Variants in SCAND1 observed in about 807,000 individuals in gnomAD.
The protein encoded by SCAND1 is SCAN domain-containing protein 1.
Under a neutral mutation model 3.4 loss-of-function variants are expected in SCAND1, and 3 were observed. The observed-to-expected ratio is 0.87, with a 90% CI of 0.40 to 2.25. The LOEUF (loss-of-function observed/expected upper bound fraction) is 2.25, where lower values mean the gene tolerates loss of function less well. Among genes scored for constraint, SCAND1 ranks in the 30% most tolerant of loss-of-function variants. The pLI, the probability that SCAND1 is intolerant of heterozygous loss-of-function variation, is 0.05. For synonymous variants in SCAND1, 152 were observed against 120.5 expected (o/e 1.26, Z -1.72); for missense variants, 303 against 258.8 (o/e 1.17, Z -1.17).
chr20:35,953,702 T>TC lies in SCAND1; in HGVS notation c.*42dup. On this transcript the variant is annotated 3_prime_UTR_variant, in exon 2 of 2. Coordinates refer to ENST00000305978, the MANE Select transcript of SCAND1 (RefSeq NM_033630.3). The stretch of plus-strand genomic sequence containing the variant: ...CCCCCGGGCCCGATCATGGCCCCAG[T>TC]CCGCACAGAGCGCCCGGCCCTGGCC... 1 of 1,331,202 alleles carries TC rather than the reference T, an allele frequency of 7.5e-7. No homozygotes were observed. The highest frequency in any genetic ancestry group is 1.6e-5 in the South Asian group (1 of 61,540). The allele number at this position is 1,331,202 out of a possible 1,614,324, so 82.5% of individuals were successfully genotyped here. A position where few individuals can be genotyped will look rare whatever the true frequency, so the allele number is the denominator to read the frequency against.
At chr20:35,956,672 G>A (rs1295275077), upstream of SCAND1, among the ~76,000 whole-genome samples, 1 of 152,190 alleles carries the variant, frequency 6.6e-6, no homozygotes, top group Non-Finnish European at 1.5e-5. Flanking sequence ...TGGGTTTGCT[G>A]CCCAGAGTGA....
upstream of SCAND1, chr20:35,959,317 ATATTAT>A (rs11468373): frequency 0.21 from 31,997 of 151,890 alleles, 3,814 homozygotes; most frequent in South Asian, 0.37. Context: ...ACAGGCATTG[ATATTAT>A]TATTAGTGTA....
At chr20:35,954,672 G>C, upstream of SCAND1, 1 of 1,192,914 alleles carries the variant, frequency 8.4e-7, no homozygotes, top group Non-Finnish European at 1.1e-6. Context: ...GCCAGTTCGA[G>C]GAGGAGTCGG....
At chr20:35,957,279 A>C (rs2056266009), upstream of SCAND1, among the ~76,000 whole-genome samples, 1 of 152,120 alleles carries the variant, frequency 6.6e-6, no homozygotes, top group Admixed American at 6.5e-5. Flanking sequence ...GGAGGGAATA[A>C]ATGAAACAAG....
rs1028123672 is a variant in SCAND1, at chr20:35,954,434, T to C, written c.-56+14A>G. ...AGTCGGACTCGGGACCGGCCGAGAG[T>C]GTGCGGAGCTTACCTGCACCAGCGA... On this transcript the variant is annotated intron_variant, in intron 1 of 1. Coordinates refer to ENST00000305978, the MANE Select transcript of SCAND1 (RefSeq NM_033630.3). The C allele has an allele frequency of 3.2e-6, 5 of 1,549,270 alleles. No homozygotes were observed. Among genetic ancestry groups the C allele is most frequent in the Non-Finnish European group, 4.4e-6 (5 of 1,146,878 alleles).
upstream of SCAND1, among the ~76,000 whole-genome samples, chr20:35,955,775 T>C (rs371957341): frequency 3.4e-4 from 51 of 152,112 alleles, 1 homozygote; most frequent in East Asian, 3.7e-3. Context: ...TTTGTTTTTG[T>C]TTTTGTTTTT....
chr20:35,958,264 C>G (rs1442646350), upstream of SCAND1, among the ~76,000 whole-genome samples: 1 of 152,000 alleles, frequency 6.6e-6, no homozygotes, highest in Non-Finnish European at 1.5e-5. Flanking sequence ...AATCCCATAT[C>G]TACTAAAAAT....
upstream of SCAND1, chr20:35,955,013 G>A (rs953658633): frequency 1.1e-5 from 2 of 177,282 alleles, no homozygotes; most frequent in Admixed American, 1.2e-4. Context: ...ACAACACACC[G>A]TCTGGCGCGA....
upstream of SCAND1, among the ~76,000 whole-genome samples, chr20:35,956,061 T>G (rs1368904068): frequency 6.6e-6 from 1 of 152,206 alleles, no homozygotes; most frequent in African/African-American, 2.4e-5. Flanking sequence ...AAGGGGAAAC[T>G]GAGGCCCTCA....
chr20:35,955,990 G>A (rs2056252912), upstream of SCAND1, among the ~76,000 whole-genome samples: 1 of 152,138 alleles, frequency 6.6e-6, no homozygotes, highest in Admixed American at 6.5e-5. Flanking sequence ...CAAAGTGCTG[G>A]CATTACAGGC....
chr20:35,954,256 G>T lies in SCAND1; in HGVS notation c.29C>A (p.Ala10Asp). 6.2e-7 allele frequency: 1 copy of T among 1,613,070 alleles called. No homozygotes were observed. The highest frequency in any genetic ancestry group is 8.5e-7 in the Non-Finnish European group (1 of 1,179,900). ...TGGCACCGCCGCGGGACTCCCAGTG[G>T]CCGCCAAGATCGGCTCCGTAGCCGC... MAATEPILA[A>D]TGSPAAVPPE... Residue 10 changes from alanine (A) to aspartate (D), a missense_variant, in exon 2 of 2, where the codon GCC becomes GAC. Coordinates refer to ENST00000305978, the MANE Select transcript of SCAND1 (RefSeq NM_033630.3).
upstream of SCAND1, among the ~76,000 whole-genome samples, chr20:35,956,190 AC>A (rs2056255030): frequency 1.3e-5 from 2 of 152,052 alleles, no homozygotes; most frequent in Admixed American, 6.5e-5. Context: ...TATAAAACTT[AC>A]CCCTACCATA....
chr20:35,957,340 A>G (rs371970200), upstream of SCAND1, among the ~76,000 whole-genome samples: 10 of 152,316 alleles, frequency 6.6e-5, no homozygotes, highest in East Asian at 9.7e-4. Context: ...TAATCCCAGC[A>G]CTTTGGGAGG....
At chr20:35,957,991 A>G (rs1327546931), upstream of SCAND1, among the ~76,000 whole-genome samples, 1 of 152,218 alleles carries the variant, frequency 6.6e-6, no homozygotes, top group Non-Finnish European at 1.5e-5. Context: ...ATCCCTGAGA[A>G]GGCAGAGCTC....
chr20:35,954,491 T>G lies in SCAND1; in HGVS notation c.-99A>C. Reference sequence around the variant, plus strand: ...TGCGGCAGCCGGAAGCGAAAGTCTCTGGCTTCTCTGCGTCCAGGTCGGCGC... The same window carrying G: ...TGCGGCAGCCGGAAGCGAAAGTCTCGGGCTTCTCTGCGTCCAGGTCGGCGC... On this transcript the variant is annotated 5_prime_UTR_variant, in exon 1 of 2. Coordinates refer to ENST00000305978, the MANE Select transcript of SCAND1 (RefSeq NM_033630.3). The G allele has an allele frequency of 6.5e-7, 1 of 1,542,476 alleles. No individual in the cohort carries two copies. The highest frequency in any genetic ancestry group is 8.7e-7 in the Non-Finnish European group (1 of 1,142,898).
At chr20:35,954,388 A>C in intron 1 of SCAND1, 49 bp from the exon 2 acceptor site, 1 of 1,565,954 alleles carries the variant, frequency 6.4e-7, no homozygotes, top group Non-Finnish European at 8.7e-7. Context: ...TAAAGGGCAG[A>C]GCTCGCGTCA....
rs956848841 is a variant in SCAND1, at chr20:35,953,679, C to A, written c.*66G>T. 2 of 1,120,074 alleles carry A rather than the reference C, an allele frequency of 1.8e-6. No individual in the cohort carries two copies. Among genetic ancestry groups the A allele is most frequent in the Admixed American group, 7.3e-5 (2 of 27,496 alleles). 69.4% of individuals were successfully genotyped at this position (1,120,074 alleles called of 1,614,324 possible). On this transcript the variant is annotated 3_prime_UTR_variant, in exon 2 of 2. Transcript: ENST00000305978. The stretch of plus-strand genomic sequence containing the variant: ...CGGGGTGGGGTCCCAGGCTCAGGCC[C>A]CCGGGCCCGATCATGGCCCCAGTCC...
chr20:35,959,361 G>T (rs1220770113), upstream of SCAND1: 1 of 152,186 alleles, frequency 6.6e-6, no homozygotes, highest in Admixed American at 6.5e-5. Context: ...TGCTAATAAA[G>T]ACATACCCAA....
upstream of SCAND1, among the ~76,000 whole-genome samples, chr20:35,956,306 T>C (rs2056256344): frequency 1.3e-5 from 2 of 152,236 alleles, no homozygotes; most frequent in African/African-American, 4.8e-5. Context: ...TTTTAGTTGC[T>C]GACATGTAAA....
Sources: gnomAD v4.1 joint callset for allele counts (sites outside exome capture counted in the v4.1 genomes callset) on GRCh38, gnomAD v4.1.1 for gene constraint, MANE v1.5 for transcripts, NCBI Gene and HGNC (gene_info 2026-07-23, HGNC 2026-07-21) for gene names.